The following RAI1 variants were observed in gnomAD, a reference collection of about 807,000 sequenced individuals.
RAI1 encodes the protein retinoic acid-induced protein 1.
RAI1 carries 9 observed loss-of-function variants against 123.8 expected under a neutral mutation model. That is an observed-to-expected ratio of 0.07 (90% CI 0.04 to 0.13). The LOEUF (loss-of-function observed/expected upper bound fraction) is 0.13. RAI1 is among the 10% of genes least tolerant of loss of function. The probability of loss-of-function intolerance (pLI) is 1.00; values close to 1 mark genes in which losing one functional copy is unlikely to be tolerated. For missense variants in RAI1, 2,256 were observed against 2,545.8 expected (o/e 0.89, Z 2.45); for synonymous variants, 1,231 against 1,127.3 (o/e 1.09, Z -1.84).
chr17:17,717,953 T>C (rs1400709881), intron 1 of RAI1, among the ~76,000 whole-genome samples: 1 of 152,124 alleles, frequency 6.6e-6, no homozygotes, highest in Non-Finnish European at 1.5e-5. Context: ...GATGGCCTCC[T>C]GCAGTCAAGT....
intron 2 of RAI1, among the ~76,000 whole-genome samples, chr17:17,792,354 C>T (rs1267295365): frequency 1.3e-5 from 2 of 152,038 alleles, no homozygotes; most frequent in Non-Finnish European, 2.9e-5. Context: ...TGTGAGCATA[C>T]ATATGCTTGT....
chr17:17,711,428 G>A (rs751573214), intron 1 of RAI1, among the ~76,000 whole-genome samples: 7 of 152,198 alleles, frequency 4.6e-5, no homozygotes, highest in Non-Finnish European at 7.3e-5. Flanking sequence ...CCAGCTCCCC[G>A]GAGTTGGGGG....
At chr17:17,687,676 T>C (rs1026265624) in intron 1 of RAI1, among the ~76,000 whole-genome samples, 2 of 152,214 alleles carry the variant, frequency 1.3e-5, no homozygotes, top group Non-Finnish European at 2.9e-5. Context: ...GCAAGTCACT[T>C]TCCCTCTGTG....
Position 17,685,960 on chromosome 17 carries a change from T to C in RAI1, c.-149+4167T>C, listed in dbSNP as rs1038845101. On this transcript the variant is annotated intron_variant, in intron 1 of 5. Coordinates refer to ENST00000353383, the MANE Select transcript of RAI1 (RefSeq NM_030665.4). This position sits in a 1 kb window ranked among gnomAD's most constrained non-coding sequence, Gnocchi z 4.0. Reference sequence around the variant, plus strand: ...CCGCCCCAGACCAAAACAGACGTCCTGTCTCCTCCTCCTCTGACCTCCGAG... The same window carrying C: ...CCGCCCCAGACCAAAACAGACGTCCCGTCTCCTCCTCCTCTGACCTCCGAG... Among the ~76,000 whole-genome samples, 10 of 152,324 alleles carry C rather than the reference T, an allele frequency of 6.6e-5. 1 individual carries two copies. The highest frequency in any genetic ancestry group is 6.8e-3 in the Middle Eastern group (2 of 292).
At chr17:17,772,388 C>T (rs1381357413) in intron 2 of RAI1, among the ~76,000 whole-genome samples, 1 of 152,194 alleles carries the variant, frequency 6.6e-6, no homozygotes, top group Non-Finnish European at 1.5e-5. Context: ...CCTCCCCTCT[C>T]ACCCCCATCA....
intron 2 of RAI1, among the ~76,000 whole-genome samples, chr17:17,769,603 C>T (rs1307493492): frequency 1.3e-5 from 2 of 152,204 alleles, no homozygotes; most frequent in African/African-American, 2.4e-5. Context: ...CATGGAATTT[C>T]TGGTGGGTAG....
chr17:17,708,390 C>T (rs889602053), intron 1 of RAI1, among the ~76,000 whole-genome samples: 9 of 149,700 alleles, frequency 6.0e-5, no homozygotes, highest in African/African-American at 1.0e-4. Flanking sequence ...CCTTCCTGTC[C>T]TCTCTTCTCA....
intron 1 of RAI1, 120 bp from the exon 2 acceptor site, chr17:17,723,908 G>A (rs1230050774): frequency 6.7e-6 from 1 of 148,942 alleles, no homozygotes; most frequent in Non-Finnish European, 1.5e-5. Flanking sequence ...AGAAGGAAAC[G>A]CGGGGCGCGA....
At chr17:17,731,297 G>C (rs147004622) in intron 2 of RAI1, among the ~76,000 whole-genome samples, 1 of 152,218 alleles carries the variant, frequency 6.6e-6, no homozygotes, top group African/African-American at 2.4e-5. Context: ...TGGCGCCAAG[G>C]TTCTGGCCCA....
At chr17:17,757,787 A>G (rs2030505121) in intron 2 of RAI1, among the ~76,000 whole-genome samples, 1 of 152,230 alleles carries the variant, frequency 6.6e-6, no homozygotes, top group Non-Finnish European at 1.5e-5. Context: ...TAAAAGGAGA[A>G]GCAGTAATCC....
At chr17:17,704,053 C>A (rs575700724) in intron 1 of RAI1, among the ~76,000 whole-genome samples, 2 of 152,168 alleles carry the variant, frequency 1.3e-5, no homozygotes, top group Non-Finnish European at 2.9e-5. Context: ...GCAGTCAGGG[C>A]GGCAGGCTTG....
intron 2 of RAI1, among the ~76,000 whole-genome samples, chr17:17,792,719 T>C (rs552941836): frequency 5.3e-5 from 8 of 150,222 alleles, no homozygotes; most frequent in African/African-American, 1.5e-4. Context: ...GACACAGAAG[T>C]TGTCAATATG....
At chr17:17,739,754 CCT>C (rs1330905817) in intron 2 of RAI1, among the ~76,000 whole-genome samples, 6 of 152,220 alleles carry the variant, frequency 3.9e-5, no homozygotes, top group African/African-American at 1.4e-4. Flanking sequence ...GCTCAGTCTC[CCT>C]GTGTTGGTGG....
In RAI1 at chr17:17,796,088, G is replaced by A. The variant is rs1277022765; in HGVS notation, c.3140G>A (p.Gly1047Glu). 1.3e-6 allele frequency: 2 copies of A among 1,581,556 alleles called. No homozygotes were observed. Among genetic ancestry groups the A allele is most frequent in the Non-Finnish European group, 1.7e-6 (2 of 1,163,942 alleles). The part of the protein sequence containing the change: ...QMEGAGAPGR[G>E]ASEGLPRMCT... ...GAAGGGGCTGGAGCCCCAGGCCGGG[G>A]GGCCTCGGAAGGGCTCCCCAGGATG... The change falls in exon 3 of 6, where the codon GGG becomes GAG. Residue 1047 changes from glycine (G) to glutamate (E), a missense_variant. This residue lies in a region of RAI1 where 566 missense variants were observed against 616.0 expected (regional missense o/e 0.92). Transcript: ENST00000353383. The surrounding 1 kb of genome is among the most constrained non-coding windows in gnomAD (Gnocchi z 5.8).
chr17:17,726,861 C>G (rs1916106719), intron 2 of RAI1, among the ~76,000 whole-genome samples: 1 of 152,098 alleles, frequency 6.6e-6, no homozygotes, highest in Non-Finnish European at 1.5e-5. Context: ...TCGTCATTCT[C>G]TATATTCAGA....
rs1474602709 is a variant in RAI1, at chr17:17,798,504, C to T, written c.5556C>T (p.Ala1852=). The T allele has an allele frequency of 1.3e-5, 21 of 1,600,826 alleles. No individual in the cohort carries two copies. In the East Asian group the frequency reaches 2.7e-4, roughly 20 times the overall value. The change falls in exon 3 of 6, where the codon GCC becomes GCT. Residue 1852 remains alanine (A), a synonymous_variant. Transcript: ENST00000353383. ...LFGLQEAMKV[A]VDMMCSSCQE... ...GGCTGCAGGAGGCCATGAAGGTGGCCGTGGACATGGTAAGAGGCCAGCCCA... is the reference window on the plus strand; with the variant it reads ...GGCTGCAGGAGGCCATGAAGGTGGCTGTGGACATGGTAAGAGGCCAGCCCA...
intron 1 of RAI1, among the ~76,000 whole-genome samples, chr17:17,694,575 G>A (rs1201759996): frequency 2.0e-5 from 3 of 151,954 alleles, no homozygotes; most frequent in African/African-American, 7.2e-5. Flanking sequence ...ACCTCGAGAA[G>A]GGGCGGCGAG....
At chr17:17,774,941 G>A (rs940780239) in intron 2 of RAI1, among the ~76,000 whole-genome samples, 1 of 152,176 alleles carries the variant, frequency 6.6e-6, no homozygotes, top group Non-Finnish European at 1.5e-5. Flanking sequence ...GTGGGGATTT[G>A]GACCTAGACA....
chr17:17,716,597 G>A (rs2078581247), intron 1 of RAI1, among the ~76,000 whole-genome samples: 1 of 152,180 alleles, frequency 6.6e-6, no homozygotes, highest in Non-Finnish European at 1.5e-5. Context: ...CATGTGTGTG[G>A]TGCCTGTGTG....
Sources: gnomAD v4.1 joint callset for allele counts (sites outside exome capture counted in the v4.1 genomes callset) on GRCh38, gnomAD v4.1.1 for gene constraint, gnomAD v4.1.1 regional missense constraint, Gnocchi (gnomAD v3.1) non-coding constraint, MANE v1.5 for transcripts, NCBI Gene and HGNC (gene_info 2026-07-23, HGNC 2026-07-21) for gene names.